The following FAM168B variants were observed in gnomAD, a reference collection of about 807,000 sequenced individuals.
FAM168B encodes the protein family with sequence similarity 168 member B.
Under a neutral mutation model 21.8 loss-of-function variants are expected in FAM168B, and 19 were observed. The observed-to-expected ratio is 0.87, with a 90% CI of 0.61 to 1.28. The LOEUF (loss-of-function observed/expected upper bound fraction) is 1.28. Ranked by LOEUF, FAM168B falls within the 50% of genes most tolerant of loss-of-function variation. The pLI is 0.00. For synonymous variants in FAM168B, 126 were observed against 104.8 expected (o/e 1.20, Z -1.24); for missense variants, 233 against 263.1 (o/e 0.89, Z 0.79).
At chr2:131,057,161 G>A (rs1057139571) in intron 3 of FAM168B, among the ~76,000 whole-genome samples, 2 of 152,082 alleles carry the variant, frequency 1.3e-5, no homozygotes, top group Admixed American at 6.6e-5. Context: ...GACACATCCC[G>A]CAACATCCAG....
In FAM168B at chr2:131,057,572, C is replaced by T. The variant is rs141643020; in HGVS notation, c.155-1877G>A. 1.3e-3 allele frequency among the ~76,000 whole-genome samples: 200 copies of T among 152,192 alleles called. 3 individuals are homozygous for T. Among genetic ancestry groups the T allele is most frequent in the African/African-American group, 4.6e-3 (189 of 41,530 alleles). ...ATGGGCATGTACAACTGTCAAAACC[C>T]ACCCAGTTGAGCACTTAATATGTGG... On this transcript the variant is annotated intron_variant, in intron 3 of 6. Coordinates refer to ENST00000389915, the MANE Select transcript of FAM168B (RefSeq NM_001009993.4).
intron 5 of FAM168B, 129 bp downstream of exon 5, chr2:131,055,143 A>T: frequency 2.2e-6 from 2 of 925,170 alleles, no homozygotes; most frequent in Non-Finnish European, 3.0e-6. Context: ...TTCCCCAAAG[A>T]ATTTTCTGTC....
In FAM168B at chr2:131,063,654, T is replaced by C. The variant is rs945152691; in HGVS notation, c.155-7959A>G. ...AGCAAGGCATGGTGGGGTGTACCTG[T>C]AGTCTCAGCGATTTAGGAGGCCAAG... On this transcript the variant is annotated intron_variant, in intron 3 of 6. Coordinates refer to ENST00000389915, the MANE Select transcript of FAM168B (RefSeq NM_001009993.4). Among the ~76,000 whole-genome samples, 4 of 152,282 alleles carry C rather than the reference T, an allele frequency of 2.6e-5. No individual in the cohort carries two copies. In the East Asian group the frequency reaches 7.7e-4, roughly 29 times the overall value.
At chr2:131,084,246 G>A (rs1261818974) in intron 1 of FAM168B, among the ~76,000 whole-genome samples, 1 of 141,904 alleles carries the variant, frequency 7.0e-6, no homozygotes, top group Non-Finnish European at 1.5e-5. Flanking sequence ...CTGGAGTGCA[G>A]TGGCACAATC....
In FAM168B at chr2:131,050,314, A is replaced by G. The variant is rs1573736326; in HGVS notation, c.*2151T>C. 1.0e-6 allele frequency: 1 copy of G among 985,482 alleles called. No homozygotes were observed. Among genetic ancestry groups the G allele is most frequent in the Non-Finnish European group, 1.2e-6 (1 of 829,932 alleles). The allele number at this position is 985,482 out of a possible 1,614,324, so 61.0% of individuals were successfully genotyped here. On this transcript the variant is annotated 3_prime_UTR_variant, in exon 7 of 7. Transcript: ENST00000389915. ...TTTAAAAGCATACACTAACATTGTGAGTATTTTATCCTAATCTATTAGCAC... is the reference window on the plus strand; with the variant it reads ...TTTAAAAGCATACACTAACATTGTGGGTATTTTATCCTAATCTATTAGCAC...
rs1398245444 is a variant in FAM168B, at chr2:131,052,972, G to A, written c.519C>T (p.His173=). The A allele has an allele frequency of 6.4e-7, 1 of 1,560,676 alleles. No homozygotes were observed. Among genetic ancestry groups the A allele is most frequent in the East Asian group, 2.4e-5 (1 of 42,044 alleles). The change falls in exon 6 of 7, where the codon CAC becomes CAT. Residue 173 remains histidine, a synonymous_variant. Coordinates refer to ENST00000389915, the MANE Select transcript of FAM168B (RefSeq NM_001009993.4). ...TAHSPTPVAP[H]PVTVPTYRAP... ...CCCGGTACGTGGGCACAGTGACCGGGTGGGGGGCGACAGGAGTTGGGGAGT... is the reference window on the plus strand; with the variant it reads ...CCCGGTACGTGGGCACAGTGACCGGATGGGGGGCGACAGGAGTTGGGGAGT...
intron 1 of FAM168B, 22 bp downstream of exon 1, chr2:131,093,192 C>A (rs1402282520): frequency 6.6e-6 from 1 of 150,560 alleles, no homozygotes; most frequent in Non-Finnish European, 1.5e-5. Flanking sequence ...CGCGCAGTCG[C>A]CCGCTGCCCG....
intron 1 of FAM168B, among the ~76,000 whole-genome samples, chr2:131,092,334 T>C (rs1694076169): frequency 6.6e-6 from 1 of 152,092 alleles, no homozygotes; most frequent in Non-Finnish European, 1.5e-5. Context: ...TGCTCAAATC[T>C]TGGCTGTCAA....
At chr2:131,075,518 G>A (rs1436390204) in intron 2 of FAM168B, among the ~76,000 whole-genome samples, 19 of 149,666 alleles carry the variant, frequency 1.3e-4, no homozygotes, top group Admixed American at 2.7e-4. Flanking sequence ...TTTTTGAGAC[G>A]GAGTCTTGCT....
intron 1 of FAM168B, among the ~76,000 whole-genome samples, chr2:131,087,148 G>C (rs191732603): frequency 1.6e-4 from 24 of 151,628 alleles, no homozygotes; most frequent in African/African-American, 5.3e-4. Context: ...CTGTGGAGGA[G>C]GGAAGAAATA....
At chr2:131,062,574 A>G (rs1413862804) in intron 3 of FAM168B, among the ~76,000 whole-genome samples, 1 of 152,106 alleles carries the variant, frequency 6.6e-6, no homozygotes, top group Non-Finnish European at 1.5e-5. Flanking sequence ...CAGCCTCCCG[A>G]GTAGCTGGGA....
At chr2:131,081,648 G>C (rs1267581907) in intron 2 of FAM168B, among the ~76,000 whole-genome samples, 1 of 152,138 alleles carries the variant, frequency 6.6e-6, no homozygotes, top group African/African-American at 2.4e-5. Flanking sequence ...AGAGGGACGA[G>C]AATGACTGAT....
Position 131,048,392 on chromosome 2 carries a change from C to A in FAM168B, c.*4073G>T, listed in dbSNP as rs746679394. 7.0e-5 allele frequency: 89 copies of A among 1,277,780 alleles called. No individual in the cohort carries two copies. Among genetic ancestry groups the A allele is most frequent in the Non-Finnish European group, 1.2e-5 (12 of 970,772 alleles). The allele number at this position is 1,277,780 out of a possible 1,614,324, so 79.2% of individuals were successfully genotyped here. On this transcript the variant is annotated 3_prime_UTR_variant, in exon 7 of 7. Transcript: ENST00000389915. Reference sequence around the variant, plus strand: ...TCATGCCAGTCCTGGGAGCACACCACCCTTCTGCAGGCCCGGGGGGGGGTC... The same window carrying A: ...TCATGCCAGTCCTGGGAGCACACCAACCTTCTGCAGGCCCGGGGGGGGGTC...
intron 3 of FAM168B, among the ~76,000 whole-genome samples, chr2:131,061,951 A>G (rs1692322250): frequency 1.3e-5 from 2 of 152,206 alleles, no homozygotes; most frequent in African/African-American, 2.4e-5. Flanking sequence ...GGACATGTTC[A>G]ATATATACAG....
intron 2 of FAM168B, among the ~76,000 whole-genome samples, chr2:131,074,431 A>C (rs1243972352): frequency 1.3e-5 from 2 of 152,092 alleles, no homozygotes; most frequent in African/African-American, 4.8e-5. Flanking sequence ...CTGGCCAGAA[A>C]GCGTTCTTTC....
chr2:131,083,777 C>G (rs1693539041), intron 1 of FAM168B, among the ~76,000 whole-genome samples: 1 of 151,952 alleles, frequency 6.6e-6, no homozygotes, highest in African/African-American at 2.4e-5. Flanking sequence ...GCATCCCTGG[C>G]ACAAACAGAA....
At chr2:131,085,765 C>T (rs571057722) in intron 1 of FAM168B, among the ~76,000 whole-genome samples, 1 of 152,186 alleles carries the variant, frequency 6.6e-6, no homozygotes, top group Non-Finnish European at 1.5e-5. Context: ...TCATGCCATT[C>T]ACAACTACAG....
chr2:131,077,521 G>GC (rs1340090055), intron 2 of FAM168B, among the ~76,000 whole-genome samples: 3 of 152,076 alleles, frequency 2.0e-5, no homozygotes, highest in South Asian at 2.1e-4. Context: ...CTATGTGATA[G>GC]CCCCCCCAAA....
intron 3 of FAM168B, among the ~76,000 whole-genome samples, chr2:131,066,246 A>G (rs1468719312): frequency 2.8e-5 from 4 of 144,858 alleles, no homozygotes; most frequent in African/African-American, 1.0e-4. Context: ...ATCTCGACTC[A>G]CTCACTGCAA....
Sources: allele counts gnomAD v4.1 joint callset (sites outside exome capture counted in the v4.1 genomes callset), GRCh38; gene constraint gnomAD v4.1.1; transcripts MANE v1.5; gene names NCBI Gene and HGNC (gene_info 2026-07-23, HGNC 2026-07-21).